The following SOX6 variants were observed in gnomAD, a reference collection of about 807,000 sequenced individuals.
SOX6 encodes transcription factor SOX-6.
Under a neutral mutation model 97.8 loss-of-function variants are expected in SOX6, and 11 were observed. The ratio of observed to expected loss-of-function variants is 0.11; its 90% CI spans 0.07 to 0.19. The LOEUF (loss-of-function observed/expected upper bound fraction) is 0.19, where lower values mean the gene tolerates loss of function less well. Among genes scored for constraint, SOX6 ranks in the 10% least tolerant of loss-of-function variants. SOX6 has a pLI of 1.00. For missense variants in SOX6, 810 were observed against 1,039.5 expected, an observed-to-expected ratio of 0.78 and a Z score of 3.04; for synonymous variants, 360 against 371.4, an observed-to-expected ratio of 0.97 and a Z score of 0.35.
At chr11:16,452,264 C>T (rs1006102543) in intron 1 of SOX6, among the ~76,000 whole-genome samples, 2 of 152,138 alleles carry the variant, frequency 1.3e-5, no homozygotes, top group African/African-American at 4.8e-5. Context: ...AACAGGGCAG[C>T]CTCTCACATA....
intron 3 of SOX6, among the ~76,000 whole-genome samples, chr11:16,644,199 C>T (rs1455081231): frequency 6.6e-6 from 1 of 152,180 alleles, no homozygotes; most frequent in African/African-American, 2.4e-5. Flanking sequence ...TGCCACCACA[C>T]CTGCTAATTT....
chr11:16,395,631 T>C (rs913295230), intron 1 of SOX6, among the ~76,000 whole-genome samples: 5 of 151,832 alleles, frequency 3.3e-5, no homozygotes, highest in African/African-American at 1.2e-4. Context: ...ATGCTAAGAA[T>C]ATTTTTGTTT....
chr11:16,559,631 T>C (rs1484358227), intron 4 of SOX6, among the ~76,000 whole-genome samples: 1 of 152,154 alleles, frequency 6.6e-6, no homozygotes, highest in African/African-American at 2.4e-5. Context: ...AATTTGTGAT[T>C]GTAGCAAGTG....
chr11:16,029,722 C>T (rs1330114398), intron 12 of SOX6, among the ~76,000 whole-genome samples: 4 of 151,710 alleles, frequency 2.6e-5, no homozygotes, highest in African/African-American at 7.3e-5. Flanking sequence ...GGCAGTTGTT[C>T]ATAGAACAAA....
intron 4 of SOX6, among the ~76,000 whole-genome samples, chr11:16,537,900 C>A (rs754183132): frequency 6.6e-6 from 1 of 152,168 alleles, no homozygotes; most frequent in African/African-American, 2.4e-5. Context: ...GGAAAACACT[C>A]TTAAGGATAT....
chr11:16,649,657 C>A (rs977179889), intron 3 of SOX6, among the ~76,000 whole-genome samples: 5 of 151,876 alleles, frequency 3.3e-5, no homozygotes, highest in Non-Finnish European at 7.4e-5. Flanking sequence ...TCAAAATACA[C>A]CAAAACAGAA....
chr11:16,500,052 A>G (rs1232484485), intron 4 of SOX6, among the ~76,000 whole-genome samples: 2 of 152,214 alleles, frequency 1.3e-5, no homozygotes, highest in African/African-American at 4.8e-5. Flanking sequence ...ATCAATGCAA[A>G]AATCCTGAAT....
chr11:16,727,094 T>C (rs1487130823), intron 2 of SOX6, among the ~76,000 whole-genome samples: 1 of 152,242 alleles, frequency 6.6e-6, no homozygotes, highest in Non-Finnish European at 1.5e-5. Context: ...AGAAAAAGCA[T>C]GGTGAAAAAC....
chr11:16,356,399 T>C lies in SOX6; in HGVS notation c.-310A>G, dbSNP rs752976983. On this transcript the variant is annotated 5_prime_UTR_variant, in exon 1 of 16. Transcript: ENST00000683767. ...GAAAGAAGTGAAATCTCTTGGCCTG[T>C]TGGGAGATACAGTACCCCACATACC... is the stretch of plus-strand genomic sequence containing the variant. 6.6e-6 allele frequency among the ~76,000 whole-genome samples: 1 copy of C among 152,070 alleles called. No homozygotes were observed. The highest frequency in any genetic ancestry group is 1.5e-5 in the Non-Finnish European group (1 of 67,992).
chr11:16,551,429 G>A (rs1283540857), intron 4 of SOX6, among the ~76,000 whole-genome samples: 1 of 151,832 alleles, frequency 6.6e-6, no homozygotes, highest in Non-Finnish European at 1.5e-5. Flanking sequence ...AATAAAAAGA[G>A]TCTAAACACT....
chr11:16,474,665 G>T (rs183638079), intron 1 of SOX6, among the ~76,000 whole-genome samples: 59 of 152,208 alleles, frequency 3.9e-4, no homozygotes, highest in Admixed American at 3.8e-3. Flanking sequence ...TGTCACTCAG[G>T]CTTCCTTATT....
At chr11:15,983,457 T>C (rs777535515) in intron 15 of SOX6, among the ~76,000 whole-genome samples, 8 of 152,154 alleles carry the variant, frequency 5.3e-5, no homozygotes, top group African/African-American at 1.7e-4. Flanking sequence ...TTGAAAGTTA[T>C]GCATGTCTTT....
intron 13 of SOX6, among the ~76,000 whole-genome samples, chr11:16,006,796 G>T (rs1269201225): frequency 2.6e-5 from 4 of 152,002 alleles, no homozygotes; most frequent in Non-Finnish European, 5.9e-5. Context: ...ATATAATGTG[G>T]TCTATATTTT....
intron 3 of SOX6, chr11:16,269,928 T>C (rs893959595): frequency 6.6e-6 from 1 of 151,484 alleles, no homozygotes; most frequent in South Asian, 2.1e-4. Context: ...TCTTGTATAA[T>C]TGCATTGGCT....
At chr11:16,010,208 T>A (rs937811911) in intron 13 of SOX6, among the ~76,000 whole-genome samples, 1 of 151,600 alleles carries the variant, frequency 6.6e-6, no homozygotes, top group Non-Finnish European at 1.5e-5. Context: ...TCATCTTGGC[T>A]GTGTTCCAGT....
chr11:16,421,729 A>C (rs1159913879), intron 1 of SOX6, among the ~76,000 whole-genome samples: 1 of 152,216 alleles, frequency 6.6e-6, no homozygotes, highest in African/African-American at 2.4e-5. Context: ...TTAAAGAAAG[A>C]ATAGTTTTTA....
chr11:16,623,124 A>G (rs1169598027), intron 3 of SOX6, among the ~76,000 whole-genome samples: 1 of 151,836 alleles, frequency 6.6e-6, no homozygotes. Flanking sequence ...AAGTTCAAGC[A>G]GTTCTCCCAC....
intron 1 of SOX6, among the ~76,000 whole-genome samples, chr11:16,351,582 C>A (rs1280956549): frequency 6.6e-6 from 1 of 152,004 alleles, no homozygotes; most frequent in African/African-American, 2.4e-5. Context: ...CACTTGAGGC[C>A]CTCCATCCAG....
At chr11:16,435,585 A>G (rs1244716747) in intron 1 of SOX6, among the ~76,000 whole-genome samples, 1 of 152,148 alleles carries the variant, frequency 6.6e-6, no homozygotes, top group African/African-American at 2.4e-5. Flanking sequence ...CAAAGGGATC[A>G]AGGCCCTGCC....
Sources: gnomAD v4.1 joint callset for allele counts (sites outside exome capture counted in the v4.1 genomes callset) on GRCh38, gnomAD v4.1.1 for gene constraint, MANE v1.5 for transcripts, NCBI Gene and HGNC (gene_info 2026-07-23, HGNC 2026-07-21) for gene names.